The following VTA1 variants were observed in gnomAD, a reference collection of about 807,000 sequenced individuals.
The protein encoded by VTA1 is vacuolar protein sorting-associated protein VTA1 homolog.
Under a neutral mutation model 36.9 loss-of-function variants are expected in VTA1, and 24 were observed. The ratio of observed to expected loss-of-function variants is 0.65; its 90% CI spans 0.47 to 0.91. The LOEUF (loss-of-function observed/expected upper bound fraction) is 0.91. Among genes scored for constraint, VTA1 ranks in the 40% least tolerant of loss-of-function variants. The pLI is 0.00. For missense variants in VTA1, 393 were observed against 377.2 expected (o/e 1.04, Z -0.35); for synonymous variants, 142 against 130.2 (o/e 1.09, Z -0.62).
At chr6:142,195,489 T>C (rs1775526677) in intron 5 of VTA1, among the ~76,000 whole-genome samples, 1 of 151,786 alleles carries the variant, frequency 6.6e-6, no homozygotes, top group Admixed American at 6.6e-5. Context: ...TTGACAGAGA[T>C]GTTTTAATTT....
Position 142,222,067 on chromosome 6 carries a change from C to G in VTA1, c.*3424C>G, listed in dbSNP as rs975435768. 1 of 151,772 alleles carries G rather than the reference C, an allele frequency of 6.6e-6. No homozygotes were observed. The highest frequency in any genetic ancestry group is 1.5e-5 in the Non-Finnish European group (1 of 67,982). The allele number at this position is 151,772 out of a possible 1,614,324, so 9.4% of individuals were successfully genotyped here. On this transcript the variant is annotated 3_prime_UTR_variant, in exon 8 of 8. Coordinates refer to ENST00000367630, the MANE Select transcript of VTA1 (RefSeq NM_016485.5). ...GTAATAAAACGGGATTGGTTTCTGG[C>G]GGCTTTTTTTTAGGTAGAGCCACAG...
intron 4 of VTA1, among the ~76,000 whole-genome samples, chr6:142,181,365 C>A (rs1224299307): frequency 2.7e-5 from 4 of 148,260 alleles, no homozygotes; most frequent in Non-Finnish European, 6.0e-5. Context: ...AATCTCCTGA[C>A]CTCGTGATCC....
intron 4 of VTA1, among the ~76,000 whole-genome samples, chr6:142,186,000 A>G (rs1483793521): frequency 1.3e-5 from 2 of 152,194 alleles, no homozygotes; most frequent in Non-Finnish European, 2.9e-5. Flanking sequence ...CTGGGAGGAC[A>G]CTTTGTCAGC....
At chr6:142,195,191 C>T (rs1775520847) in intron 5 of VTA1, among the ~76,000 whole-genome samples, 1 of 152,036 alleles carries the variant, frequency 6.6e-6, no homozygotes, top group African/African-American at 2.4e-5. Flanking sequence ...TGATATAATT[C>T]ACTGCTTATT....
chr6:142,198,119 A>ATGTGTGTGTGTGTGTGTGTG (rs71021658), intron 5 of VTA1, among the ~76,000 whole-genome samples: 2 of 98,250 alleles, frequency 2.0e-5, no homozygotes, highest in African/African-American at 6.8e-5. Flanking sequence ...ATATATATAT[A>ATGTGTGTGTGTGTGTGTGTG]TGTGTGTGTG....
chr6:142,169,265 A>T lies in VTA1; in HGVS notation c.208-285A>T, dbSNP rs1286225961. ...TATTTGATGCTTCCTTCACATGGAT[A>T]ATTGGATATATTATCCTTTTATGCT... On this transcript the variant is annotated intron_variant, in intron 2 of 7. Transcript: ENST00000367630. Among the ~76,000 whole-genome samples the T allele has an allele frequency of 3.3e-5, 5 of 152,306 alleles. No homozygotes were observed. In the South Asian group the frequency reaches 8.3e-4, roughly 25 times the overall value.
At chr6:142,184,771 T>C (rs1775308408) in intron 4 of VTA1, among the ~76,000 whole-genome samples, 1 of 152,198 alleles carries the variant, frequency 6.6e-6, no homozygotes, top group South Asian at 2.1e-4. Flanking sequence ...TGTATTTACA[T>C]TGAGCCAGTC....
In VTA1 at chr6:142,189,167, G is replaced by A. The variant is rs185862841; in HGVS notation, c.412-259G>A. ...GCTGGAAGGACACTCCTGTTTTTCC[G>A]TTGCATATCCTTTCTGAAATGTTAT... On this transcript the variant is annotated intron_variant, in intron 4 of 7. Transcript: ENST00000367630. Among the ~76,000 whole-genome samples, 984 of 152,174 alleles carry A rather than the reference G, an allele frequency of 6.5e-3. 6 individuals carry two copies. Among genetic ancestry groups the A allele is most frequent in the Non-Finnish European group, 8.6e-3 (587 of 68,018 alleles).
At chr6:142,199,877 G>T (rs1775646342) in intron 6 of VTA1, among the ~76,000 whole-genome samples, 1 of 151,820 alleles carries the variant, frequency 6.6e-6, no homozygotes, top group Non-Finnish European at 1.5e-5. Flanking sequence ...AAAATTTCTT[G>T]GAACACTTTT....
intron 1 of VTA1, among the ~76,000 whole-genome samples, chr6:142,149,723 G>C (rs1778530629): frequency 6.6e-6 from 1 of 152,110 alleles, no homozygotes; most frequent in Admixed American, 6.5e-5. Flanking sequence ...ATCATTGTAT[G>C]AATCTCTTAG....
chr6:142,192,702 TTG>T (rs35330800), intron 5 of VTA1, among the ~76,000 whole-genome samples: 7,530 of 149,290 alleles, frequency 0.05, 538 homozygotes, highest in African/African-American at 0.16. Context: ...TTTTATATAT[TTG>T]TGTGTGTGTG....
intron 7 of VTA1, among the ~76,000 whole-genome samples, chr6:142,217,689 G>A (rs1300009179): frequency 2.6e-5 from 4 of 151,730 alleles, no homozygotes; most frequent in Non-Finnish European, 5.9e-5. Context: ...TATAGTCTAT[G>A]CCTCCCAGCC....
Position 142,224,350 on chromosome 6 carries a change from C to T in VTA1, c.*5707C>T, listed in dbSNP as rs971264794. On this transcript the variant is annotated 3_prime_UTR_variant, in exon 8 of 8. Transcript: ENST00000367630. Reference sequence around the variant, plus strand: ...AGGGGATATTCGGAGTCCTCTGAGACGGGACAAGGACACTGGACGGTCTAT... The same window carrying T: ...AGGGGATATTCGGAGTCCTCTGAGATGGGACAAGGACACTGGACGGTCTAT... 9.9e-5 allele frequency: 15 copies of T among 152,244 alleles called. No individual in the cohort carries two copies. The highest frequency in any genetic ancestry group is 3.1e-4 in the African/African-American group (13 of 41,516). The allele number at this position is 152,244 out of a possible 1,614,324, so 9.4% of individuals were successfully genotyped here.
At position 142,222,303 on chromosome 6, in the gene VTA1, G is replaced by A. The variant is rs1776127456; in HGVS notation, c.*3660G>A. 1 of 152,090 alleles carries A rather than the reference G, an allele frequency of 6.6e-6. No individual in the cohort carries two copies. The highest frequency in any genetic ancestry group is 2.4e-5 in the African/African-American group (1 of 41,424). The allele number at this position is 152,090 out of a possible 1,614,324, so 9.4% of individuals were successfully genotyped here. ...ACTGATAACGGTGTTTTGTCAATGCGGCAGAGGGAGAAGAAGAAATAAGGT... is the reference window on the plus strand; with the variant it reads ...ACTGATAACGGTGTTTTGTCAATGCAGCAGAGGGAGAAGAAGAAATAAGGT... On this transcript the variant is annotated 3_prime_UTR_variant, in exon 8 of 8. Coordinates refer to ENST00000367630, the MANE Select transcript of VTA1 (RefSeq NM_016485.5).
intron 4 of VTA1, among the ~76,000 whole-genome samples, chr6:142,170,903 G>A (rs1562259350): frequency 6.6e-6 from 1 of 152,162 alleles, no homozygotes; most frequent in Non-Finnish European, 1.5e-5. Flanking sequence ...TGGAATTACA[G>A]GTGTGAACCC....
At chr6:142,172,100 T>A (rs1158145102) in intron 4 of VTA1, among the ~76,000 whole-genome samples, 1 of 152,142 alleles carries the variant, frequency 6.6e-6, no homozygotes, top group Non-Finnish European at 1.5e-5. Flanking sequence ...AACCTCTACC[T>A]CCTGGGTTCA....
intron 1 of VTA1, among the ~76,000 whole-genome samples, chr6:142,162,632 G>A (rs149509055): frequency 1.2e-3 from 187 of 152,236 alleles, no homozygotes; most frequent in African/African-American, 4.4e-3. Flanking sequence ...ACAATCTGTC[G>A]TCAGTTTCTG....
At chr6:142,197,589 A>T (rs570081804) in intron 5 of VTA1, among the ~76,000 whole-genome samples, 15 of 152,326 alleles carry the variant, frequency 9.8e-5, no homozygotes, top group Admixed American at 2.6e-4. Context: ...TAAATGCAAA[A>T]TTTCATTCCT....
intron 4 of VTA1, among the ~76,000 whole-genome samples, chr6:142,171,436 C>T (rs1775028007): frequency 6.6e-6 from 1 of 152,094 alleles, no homozygotes; most frequent in Admixed American, 6.5e-5. Context: ...TGTTTAATTT[C>T]TAGTCAGCAT....
Sources: gnomAD v4.1 joint callset for allele counts (sites outside exome capture counted in the v4.1 genomes callset) on GRCh38, gnomAD v4.1.1 for gene constraint, MANE v1.5 for transcripts, NCBI Gene and HGNC (gene_info 2026-07-23, HGNC 2026-07-21) for gene names.